Variants in ZBTB41 observed in about 807,000 individuals in gnomAD.
The protein encoded by ZBTB41 is zinc finger and BTB domain containing 41.
In ZBTB41, 42 loss-of-function variants were observed where a neutral mutation model predicts 87.6. The observed-to-expected ratio is 0.48, with a 90% CI of 0.37 to 0.62. ZBTB41 has a LOEUF of 0.62. Ranked by LOEUF, ZBTB41 falls within the 20% of genes least tolerant of loss-of-function variation. ZBTB41 has a pLI of 0.00. For synonymous variants in ZBTB41, 364 were observed against 364.0 expected, an observed-to-expected ratio of 1.00 and a Z score of 0.00; for missense variants, 799 against 1,078.9, an observed-to-expected ratio of 0.74 and a Z score of 3.63.
chr1:197,184,199 G>T (rs1224375819), intron 5 of ZBTB41, among the ~76,000 whole-genome samples: 1 of 152,130 alleles, frequency 6.6e-6, no homozygotes, highest in African/African-American at 2.4e-5. Context: ...CTACAGTTTG[G>T]TAACTATAAA....
intron 8 of ZBTB41, 25 bp downstream of exon 8, chr1:197,176,539 A>G (rs909982009): frequency 6.6e-7 from 1 of 1,506,346 alleles, no homozygotes; most frequent in Non-Finnish European, 9.2e-7. Flanking sequence ...GGATTTTCGA[A>G]CTAGCATTAC....
At chr1:197,194,218 A>C (rs1452694871) in intron 2 of ZBTB41, among the ~76,000 whole-genome samples, 1 of 151,984 alleles carries the variant, frequency 6.6e-6, no homozygotes, top group African/African-American at 2.4e-5. Flanking sequence ...GGGTTTCATC[A>C]TATTGGTCAG....
intron 3 of ZBTB41, 32 bp from the exon 4 acceptor site, chr1:197,190,863 A>G: frequency 7.1e-7 from 1 of 1,404,788 alleles, no homozygotes; most frequent in Non-Finnish European, 9.9e-7. Context: ...ATTATTAGGA[A>G]AAGGTTATAT....
chr1:197,180,291 T>A (rs575648118), intron 6 of ZBTB41, among the ~76,000 whole-genome samples: 2 of 152,244 alleles, frequency 1.3e-5, no homozygotes, highest in Non-Finnish European at 2.9e-5. Context: ...ACATGTGTAG[T>A]AGGCTATACC....
rs1659125206 is a variant in ZBTB41 at position 197,158,534 on chromosome 1, A to G, written c.*825T>C. 1 of 152,462 alleles carries G rather than the reference A, an allele frequency of 6.6e-6. No individual in the cohort carries two copies. Among genetic ancestry groups the G allele is most frequent in the Admixed American group, 6.6e-5 (1 of 15,248 alleles). The allele number at this position is 152,462 out of a possible 1,614,324, so 9.4% of individuals were successfully genotyped here. On this transcript the variant is annotated 3_prime_UTR_variant, in exon 11 of 11. Coordinates refer to ENST00000367405, the MANE Select transcript of ZBTB41 (RefSeq NM_194314.3). ...AGACATATGCTATGTTGTATTGTCA[A>G]CATTTCTGAAATAAATAGTAAAGTA... is the stretch of plus-strand genomic sequence containing the variant.
Position 197,190,788 on chromosome 1 carries a change from T to C in ZBTB41, c.1372A>G (p.Thr458Ala), listed in dbSNP as rs777187818. 1.1e-5 allele frequency: 17 copies of C among 1,592,776 alleles called. 1 individual carries two copies. In the South Asian group the frequency reaches 1.9e-4, roughly 18 times the overall value. ...TCACATTTCCAACTTTCACTCTTAG[T>C]CTTCTTAATGGAAATAAATTCTTGT... ...NAQEFISIKK[T>A]KSESWKCDIC... The change falls in exon 4 of 11, where the codon ACT becomes GCT. Residue 458 changes from threonine (T) to alanine (A), a missense_variant. By Grantham distance (58) the Thr-to-Ala change is moderately conservative (BLOSUM62 0). Transcript: ENST00000367405.
intron 10 of ZBTB41, among the ~76,000 whole-genome samples, chr1:197,162,108 CCATTATCA>C (rs1659215845): frequency 6.6e-6 from 1 of 152,024 alleles, no homozygotes. Flanking sequence ...TGAGTAGTTT[CCATTATCA>C]TTTTAAACAA....
intron 2 of ZBTB41, among the ~76,000 whole-genome samples, chr1:197,193,371 T>C (rs1305121839): frequency 6.8e-6 from 1 of 147,282 alleles, no homozygotes; most frequent in Non-Finnish European, 1.5e-5. Flanking sequence ...ACCCCAACTC[T>C]ACAAAAAAAC....
intron 10 of ZBTB41, among the ~76,000 whole-genome samples, chr1:197,170,755 T>C (rs1659460008): frequency 6.6e-6 from 1 of 152,188 alleles, no homozygotes. Context: ...ACACATTGTC[T>C]ATGGCTGCTT....
At position 197,181,080 on chromosome 1, in the gene ZBTB41, G is replaced by A. The variant is rs372915835; in HGVS notation, c.1584C>T (p.Asn528=). Residue 528 remains asparagine, a synonymous_variant, in exon 6 of 11, where the codon AAC becomes AAT. Coordinates refer to ENST00000367405, the MANE Select transcript of ZBTB41 (RefSeq NM_194314.3). ...FPCDICGRQF[N]DTGNLKRHIE... is the part of the protein sequence containing the mutation. ...TATGACGTTTCAAATTTCCAGTGTCGTTAAACTGGCGACCACATATATCAC... is the reference window on the plus strand; with the variant it reads ...TATGACGTTTCAAATTTCCAGTGTCATTAAACTGGCGACCACATATATCAC... 168 of 1,601,376 alleles carry A rather than the reference G, an allele frequency of 1.0e-4. No homozygotes were observed. The highest frequency in any genetic ancestry group is 3.3e-4 in the Middle Eastern group (2 of 6,040).
intron 2 of ZBTB41, among the ~76,000 whole-genome samples, chr1:197,194,678 A>T (rs541550980): frequency 6.6e-6 from 1 of 152,112 alleles, no homozygotes; most frequent in African/African-American, 2.4e-5. Context: ...AAATAGCCAA[A>T]TTTAGAAAAA....
chr1:197,171,695 G>A (rs560384499), intron 10 of ZBTB41, among the ~76,000 whole-genome samples: 3 of 151,946 alleles, frequency 2.0e-5, no homozygotes, highest in African/African-American at 7.2e-5. Context: ...TATAAATCAT[G>A]ACTGGCTATG....
At chr1:197,197,198 T>C (rs1267895267) in intron 2 of ZBTB41, among the ~76,000 whole-genome samples, 1 of 151,950 alleles carries the variant, frequency 6.6e-6, no homozygotes, top group Non-Finnish European at 1.5e-5. Flanking sequence ...ATCATCTCAC[T>C]TTACTTATGA....
intron 10 of ZBTB41, among the ~76,000 whole-genome samples, chr1:197,169,842 T>C (rs1659435783): frequency 6.6e-6 from 1 of 152,026 alleles, no homozygotes; most frequent in African/African-American, 2.4e-5. Context: ...AGAATAGATG[T>C]AATCACTACA....
At chr1:197,178,327 T>C in intron 7 of ZBTB41, 90 bp downstream of exon 7, 1 of 917,060 alleles carries the variant, frequency 1.1e-6, no homozygotes, top group Non-Finnish European at 1.6e-6. Context: ...CTAAGAAATG[T>C]TTCAATTCAA....
chr1:197,189,247 C>T (rs563441173), intron 4 of ZBTB41, among the ~76,000 whole-genome samples: 1 of 152,174 alleles, frequency 6.6e-6, no homozygotes, highest in South Asian at 2.1e-4. Flanking sequence ...CTAGGCTGGG[C>T]ACAGCAGCTC....
chr1:197,170,999 A>C (rs1224754279), intron 10 of ZBTB41, among the ~76,000 whole-genome samples: 1 of 152,122 alleles, frequency 6.6e-6, no homozygotes, highest in Non-Finnish European at 1.5e-5. Context: ...AAATATCCAG[A>C]TATTGATGTT....
In ZBTB41 at chr1:197,199,389, T is replaced by C; in HGVS notation, c.1085A>G (p.Gln362Arg). The C allele has an allele frequency of 6.3e-7, 1 of 1,581,956 alleles. No homozygotes were observed. The change falls in exon 2 of 11, where the codon CAG (glutamine) becomes CGG (arginine). Residue 362 changes from glutamine (Q) to arginine (R), a missense_variant. Coordinates refer to ENST00000367405, the MANE Select transcript of ZBTB41 (RefSeq NM_194314.3). ...AAATGTTTTATCACATTTAGGACAC[T>C]GCAATATTTTTTTGTTGCTGTTCTG... ...VIQNSNKKIL[Q>R]CPKCDKTFDR...
intron 5 of ZBTB41, among the ~76,000 whole-genome samples, chr1:197,184,481 A>G (rs1659834383): frequency 1.3e-5 from 2 of 152,186 alleles, no homozygotes; most frequent in Admixed American, 1.3e-4. Flanking sequence ...ACTCTACATC[A>G]CCAAAATTAC....
Sources: gnomAD v4.1 joint callset for allele counts (sites outside exome capture counted in the v4.1 genomes callset) on GRCh38, gnomAD v4.1.1 for gene constraint, MANE v1.5 for transcripts, NCBI Gene and HGNC (gene_info 2026-07-23, HGNC 2026-07-21) for gene names.